The following TENM4 variants were observed in gnomAD, a reference collection of about 807,000 sequenced individuals.
The protein encoded by TENM4 is teneurin transmembrane protein 4, also known as teneurin-4.
Under a neutral mutation model 243.3 loss-of-function variants are expected in TENM4, and 82 were observed. The observed-to-expected ratio is 0.34, with a 90% confidence interval of 0.28 to 0.40. TENM4 has a LOEUF of 0.40. TENM4 is among the 10% of genes least tolerant of loss of function. The pLI is 1.00. For missense variants in TENM4, 3,138 were observed against 3,673.3 expected (o/e 0.85, Z 3.77); for synonymous variants, 1,412 against 1,456.3 (o/e 0.97, Z 0.69).
intron 4 of TENM4, among the ~76,000 whole-genome samples, chr11:79,110,259 C>T (rs533335717): frequency 3.3e-5 from 5 of 152,330 alleles, no homozygotes; most frequent in Middle Eastern, 3.4e-3. Context: ...TTGCCATAAG[C>T]CTACTATACA....
intron 19 of TENM4, among the ~76,000 whole-genome samples, chr11:78,755,132 T>G (rs911019815): frequency 1.3e-5 from 2 of 152,176 alleles, no homozygotes; most frequent in Non-Finnish European, 2.9e-5. Flanking sequence ...CTTCAGTCCC[T>G]GCTCTTTTCT....
chr11:78,921,944 A>G (rs1231173451), intron 6 of TENM4, among the ~76,000 whole-genome samples: 1 of 152,204 alleles, frequency 6.6e-6, no homozygotes. Flanking sequence ...TGTCATCTCT[A>G]CCATCAAGGC....
At chr11:79,417,763 C>T (rs1332361726) in intron 1 of TENM4, among the ~76,000 whole-genome samples, 4 of 152,182 alleles carry the variant, frequency 2.6e-5, no homozygotes, top group Non-Finnish European at 5.9e-5. Context: ...CTGAGGTCGC[C>T]TCATCCCACT....
chr11:79,077,736 T>C (rs1275595726), intron 4 of TENM4, among the ~76,000 whole-genome samples: 1 of 152,052 alleles, frequency 6.6e-6, no homozygotes, highest in Non-Finnish European at 1.5e-5. Flanking sequence ...GAGAGAAAGC[T>C]TGAGAAGTGA....
chr11:78,690,261 T>A (rs538968253), intron 28 of TENM4, among the ~76,000 whole-genome samples: 1 of 152,272 alleles, frequency 6.6e-6, no homozygotes, highest in South Asian at 2.1e-4. Context: ...CTGAGATGCA[T>A]GTCCAGAGAC....
intron 1 of TENM4, among the ~76,000 whole-genome samples, chr11:79,359,521 TGAG>T: frequency 6.6e-6 from 1 of 152,232 alleles, no homozygotes; most frequent in East Asian, 1.9e-4. Flanking sequence ...GGTGAATACA[TGAG>T]GAGGTTATTA....
intron 6 of TENM4, among the ~76,000 whole-genome samples, chr11:79,009,790 C>T (rs963576326): frequency 6.6e-6 from 1 of 152,132 alleles, no homozygotes; most frequent in Non-Finnish European, 1.5e-5. Context: ...GTAAGCTTTC[C>T]CCGAACACTT....
At chr11:78,802,962 T>C (rs1591035123) in intron 15 of TENM4, among the ~76,000 whole-genome samples, 1 of 152,164 alleles carries the variant, frequency 6.6e-6, no homozygotes, top group African/African-American at 2.4e-5. Context: ...TACCAATGAG[T>C]GTTTTAATCA....
chr11:79,076,345 T>A (rs1210526340), intron 4 of TENM4: 1 of 152,526 alleles, frequency 6.6e-6, no homozygotes, highest in Non-Finnish European at 1.5e-5. Context: ...GGGTACTTTA[T>A]ACAGGAAAAG....
At chr11:79,162,469 ATTTAT>A (rs1862769875) in intron 3 of TENM4, among the ~76,000 whole-genome samples, 1 of 41,026 alleles carries the variant, frequency 2.4e-5, no homozygotes. Flanking sequence ...TGCTGTTATT[ATTTAT>A]TTATTTATTT....
chr11:79,184,633 C>T (rs774555583), intron 3 of TENM4, among the ~76,000 whole-genome samples: 31 of 152,030 alleles, frequency 2.0e-4, no homozygotes, highest in Non-Finnish European at 3.8e-4. Context: ...GGACAAATAC[C>T]GTATGATTCC....
chr11:79,006,370 C>T (rs986610669), intron 6 of TENM4, among the ~76,000 whole-genome samples: 1 of 152,144 alleles, frequency 6.6e-6, no homozygotes, highest in Non-Finnish European at 1.5e-5. Context: ...ACCCCAAACA[C>T]ATAATAGGAT....
At chr11:78,933,920 A>C (rs1856725518) in intron 6 of TENM4, among the ~76,000 whole-genome samples, 1 of 152,176 alleles carries the variant, frequency 6.6e-6, no homozygotes, top group Non-Finnish European at 1.5e-5. Flanking sequence ...CACCAACTGC[A>C]GATACAAATT....
chr11:79,221,728 T>C (rs1409278629), intron 2 of TENM4, among the ~76,000 whole-genome samples: 1 of 152,174 alleles, frequency 6.6e-6, no homozygotes, highest in Non-Finnish European at 1.5e-5. Context: ...ATATTTTTAA[T>C]GCACACAAGG....
At position 78,827,677 on chromosome 11, in the gene TENM4, T is replaced by C. The variant is rs372949447; in HGVS notation, c.1682-13282A>G. Among the ~76,000 whole-genome samples, 7 of 151,956 alleles carry C rather than the reference T, an allele frequency of 4.6e-5. No individual in the cohort carries two copies. The East Asian group carries it at 1.2e-3, about 25-fold the overall frequency. On this transcript the variant is annotated intron_variant, in intron 12 of 33. Transcript: ENST00000278550. The stretch of plus-strand genomic sequence containing the variant: ...GTTAATTTTGTATTTTTAGTAGAGA[T>C]GGGGTTTTTCCATGTTGGTCAGGCT...
chr11:78,722,060 A>G (rs1855397608), intron 24 of TENM4, among the ~76,000 whole-genome samples: 1 of 152,092 alleles, frequency 6.6e-6, no homozygotes, highest in Non-Finnish European at 1.5e-5. Context: ...AGGAGCAGAG[A>G]GGTCAGTTTT....
At chr11:78,743,702 C>T (rs930700659) in intron 19 of TENM4, among the ~76,000 whole-genome samples, 2 of 152,134 alleles carry the variant, frequency 1.3e-5, no homozygotes, top group Non-Finnish European at 2.9e-5. Context: ...CTCATCTGTA[C>T]CACCTGTGAT....
intron 3 of TENM4, among the ~76,000 whole-genome samples, chr11:79,187,770 G>A (rs1013490161): frequency 6.6e-6 from 1 of 152,124 alleles, no homozygotes; most frequent in Non-Finnish European, 1.5e-5. Context: ...AAGAGATTAG[G>A]ACACAGATAC....
At chr11:79,289,126 T>C (rs1224628711) in intron 2 of TENM4, among the ~76,000 whole-genome samples, 1 of 152,178 alleles carries the variant, frequency 6.6e-6, no homozygotes, top group Non-Finnish European at 1.5e-5. Context: ...CCTACACGTG[T>C]AGAGGGCAAA....
Sources: gnomAD v4.1 joint callset for allele counts (sites outside exome capture counted in the v4.1 genomes callset) on GRCh38, gnomAD v4.1.1 for gene constraint, MANE v1.5 for transcripts, NCBI Gene and HGNC (gene_info 2026-07-23, HGNC 2026-07-21) for gene names.